Variants in RAD51 observed in about 807,000 individuals in gnomAD.
RAD51 encodes DNA repair protein RAD51 homolog 1.
In RAD51, 14 loss-of-function variants were observed where a neutral mutation model predicts 41.5. The ratio of observed to expected loss-of-function variants is 0.34; its 90% CI spans 0.22 to 0.53. RAD51 has a LOEUF of 0.53. RAD51 is among the 20% of genes least tolerant of loss of function. The pLI, the probability that RAD51 is intolerant of heterozygous loss-of-function variation, is 0.95. For missense variants in RAD51, 234 were observed against 422.0 expected (o/e 0.55, Z 3.90); for synonymous variants, 136 against 148.6 (o/e 0.92, Z 0.62).
chr15:40,699,374 C>A (rs1348691596), intron 2 of RAD51, among the ~76,000 whole-genome samples: 1 of 152,218 alleles, frequency 6.6e-6, no homozygotes, highest in Admixed American at 6.5e-5. Context: ...AACTCCTGAC[C>A]TCAGGTGATC....
At chr15:40,711,569 G>A (rs1466068589) in intron 5 of RAD51, among the ~76,000 whole-genome samples, 1 of 152,166 alleles carries the variant, frequency 6.6e-6, no homozygotes, top group African/African-American at 2.4e-5. Context: ...ACCCTAGAGT[G>A]ATCATGGAAT....
intron 3 of RAD51, among the ~76,000 whole-genome samples, chr15:40,704,787 A>G (rs886936606): frequency 6.6e-6 from 1 of 150,732 alleles, no homozygotes; most frequent in African/African-American, 2.4e-5. Flanking sequence ...CTTCCACCTC[A>G]GCCTCCCGAG....
chr15:40,720,188 T>A (rs188428542), intron 6 of RAD51, among the ~76,000 whole-genome samples: 1 of 152,188 alleles, frequency 6.6e-6, no homozygotes, highest in Admixed American at 6.6e-5. Context: ...TTCGGCTCAC[T>A]GCAACTTCCA....
chr15:40,729,752 G>A, intron 8 of RAD51, 101 bp from the exon 9 acceptor site: 1 of 1,610,336 alleles, frequency 6.2e-7, no homozygotes, highest in Non-Finnish European at 8.5e-7. Flanking sequence ...GAAGAAGAGA[G>A]ACATTAGTTA....
chr15:40,722,004 T>A (rs1896297076), intron 6 of RAD51, among the ~76,000 whole-genome samples: 1 of 152,182 alleles, frequency 6.6e-6, no homozygotes, highest in Admixed American at 6.5e-5. Flanking sequence ...GAAAACACAT[T>A]TTTTTTCTTA....
rs980672903 is a variant in RAD51 at position 40,717,346 on chromosome 15, A to G, written c.436-1459A>G. On this transcript the variant is annotated intron_variant, in intron 5 of 9. Coordinates refer to ENST00000267868, the MANE Select transcript of RAD51 (RefSeq NM_002875.5). ...AGAGCGAAACTCCGTCTCAGAAAAA[A>G]AAGAAAGAAAAAATTTGGTTCTCCT... Among the ~76,000 whole-genome samples the G allele has an allele frequency of 2.0e-5, 3 of 152,106 alleles. No individual in the cohort carries two copies. The South Asian group carries it at 6.2e-4, about 31-fold the overall frequency.
chr15:40,726,613 A>G (rs890095994), intron 6 of RAD51, among the ~76,000 whole-genome samples: 5 of 151,508 alleles, frequency 3.3e-5, no homozygotes, highest in Non-Finnish European at 7.4e-5. Flanking sequence ...TTCAAGAAAC[A>G]CTATGAAAGA....
chr15:40,724,879 ATTTTTTTTAAT>A (rs1896489149), intron 6 of RAD51, among the ~76,000 whole-genome samples: 6 of 91,886 alleles, frequency 6.5e-5, no homozygotes, highest in Admixed American at 1.3e-4. Flanking sequence ...ATTTTTTTTA[ATTTTTTTTAAT>A]TTTTTTTTTT....
chr15:40,696,499 G>C (rs972728341), intron 1 of RAD51, among the ~76,000 whole-genome samples: 1 of 152,110 alleles, frequency 6.6e-6, no homozygotes. Context: ...AGCCTGGGAG[G>C]TATAAGCTGC....
intron 6 of RAD51, among the ~76,000 whole-genome samples, chr15:40,722,274 G>A (rs1182830454): frequency 6.6e-6 from 1 of 152,124 alleles, no homozygotes; most frequent in Non-Finnish European, 1.5e-5. Context: ...TTAGCCAGGT[G>A]TGGTAGCACA....
At chr15:40,726,710 C>T (rs548753000) in intron 6 of RAD51, among the ~76,000 whole-genome samples, 177 of 151,734 alleles carry the variant, frequency 1.2e-3, no homozygotes, top group Admixed American at 2.0e-3. Flanking sequence ...GTCAGGAGAT[C>T]GAGACCATCC....
chr15:40,707,140 C>T (rs1485172047), intron 4 of RAD51, among the ~76,000 whole-genome samples: 3 of 147,390 alleles, frequency 2.0e-5, no homozygotes, highest in African/African-American at 7.5e-5. Flanking sequence ...GATCATTTAC[C>T]ACCTGGCTAA....
chr15:40,706,014 C>T (rs1404383213), intron 3 of RAD51, among the ~76,000 whole-genome samples, 163 bp from the exon 4 acceptor site: 1 of 152,136 alleles, frequency 6.6e-6, no homozygotes, highest in Admixed American at 6.6e-5. Flanking sequence ...TTATGACTTT[C>T]TAAAGAGAAA....
intron 2 of RAD51, among the ~76,000 whole-genome samples, chr15:40,700,479 G>C (rs138888649): frequency 6.6e-6 from 1 of 152,206 alleles, no homozygotes; most frequent in East Asian, 1.9e-4. Flanking sequence ...GCTTGATGTG[G>C]AAAGTGTTGA....
intron 3 of RAD51, chr15:40,701,936 A>C (rs1895031308): frequency 3.1e-6 from 1 of 321,240 alleles, no homozygotes; most frequent in Admixed American, 4.4e-5. Context: ...GGTATGTGCC[A>C]CCACACCCAG....
At chr15:40,714,607 C>T (rs1429555193) in intron 5 of RAD51, among the ~76,000 whole-genome samples, 2 of 151,976 alleles carry the variant, frequency 1.3e-5, no homozygotes, top group Non-Finnish European at 2.9e-5. Flanking sequence ...CTATATAGAT[C>T]GTTGACTTTT....
chr15:40,712,877 C>CTTTTTT (rs398039433), intron 5 of RAD51, among the ~76,000 whole-genome samples: 93 of 103,896 alleles, frequency 9.0e-4, no homozygotes, highest in Middle Eastern at 6.1e-3. Flanking sequence ...CTTTTCTTTT[C>CTTTTTT]TTTTTTTTTT....
chr15:40,705,674 G>A (rs529267661), intron 3 of RAD51, among the ~76,000 whole-genome samples: 2 of 152,156 alleles, frequency 1.3e-5, no homozygotes, highest in South Asian at 4.1e-4. Context: ...GCGCGATCTC[G>A]GCTCACTGCA....
At chr15:40,704,977 ATTTTAAAACAT>A (rs1895244454) in intron 3 of RAD51, among the ~76,000 whole-genome samples, 2 of 151,966 alleles carry the variant, frequency 1.3e-5, no homozygotes, top group Non-Finnish European at 2.9e-5. Flanking sequence ...CACCCTGCTA[ATTTTAAAACAT>A]TTTTAGAGCC....
Sources: allele counts gnomAD v4.1 joint callset (sites outside exome capture counted in the v4.1 genomes callset), GRCh38; gene constraint gnomAD v4.1.1; transcripts MANE v1.5; gene names NCBI Gene and HGNC (gene_info 2026-07-23, HGNC 2026-07-21).